Variants in PARVA observed in about 807,000 individuals in gnomAD.
PARVA encodes parvin alpha, also known as alpha-parvin.
In PARVA, 25 loss-of-function variants were observed where a neutral mutation model predicts 52.6. The ratio of observed to expected loss-of-function variants is 0.48; its 90% CI spans 0.35 to 0.66. PARVA has a LOEUF of 0.66. PARVA is among the 30% of genes least tolerant of loss of function. The probability of loss-of-function intolerance (pLI) is 0.01; values close to 1 mark genes in which losing one functional copy is unlikely to be tolerated. For missense variants in PARVA, 373 were observed against 450.9 expected, an observed-to-expected ratio of 0.83 and a Z score of 1.56; for synonymous variants, 185 against 179.1, an observed-to-expected ratio of 1.03 and a Z score of -0.26.
intron 1 of PARVA, among the ~76,000 whole-genome samples, chr11:12,399,499 A>G (rs1207986071): frequency 1.3e-5 from 2 of 152,242 alleles, no homozygotes; most frequent in Non-Finnish European, 2.9e-5. Flanking sequence ...TGTCATAGCA[A>G]TATCAAATTG....
chr11:12,469,985 T>C (rs1322025463), intron 1 of PARVA, among the ~76,000 whole-genome samples: 1 of 152,366 alleles, frequency 6.6e-6, no homozygotes, highest in East Asian at 1.9e-4. Flanking sequence ...ATTTACAAAT[T>C]GGCTCACTTT....
chr11:12,416,577 A>T (rs1297859590), intron 1 of PARVA, among the ~76,000 whole-genome samples: 1 of 152,114 alleles, frequency 6.6e-6, no homozygotes, highest in African/African-American at 2.4e-5. Context: ...CTCCAGCGCC[A>T]TCTGCCCTGA....
intron 1 of PARVA, among the ~76,000 whole-genome samples, chr11:12,384,966 G>T (rs910818986): frequency 6.6e-6 from 1 of 152,136 alleles, no homozygotes. Context: ...TTAACTGATG[G>T]TGCTAAAACA....
chr11:12,461,874 A>G (rs1050957927), intron 1 of PARVA, among the ~76,000 whole-genome samples: 2 of 151,952 alleles, frequency 1.3e-5, no homozygotes, highest in Non-Finnish European at 2.9e-5. Context: ...TCCAAGGGCC[A>G]TATGTCAACC....
intron 6 of PARVA, among the ~76,000 whole-genome samples, chr11:12,505,450 G>T (rs1165371247): frequency 6.6e-6 from 1 of 152,196 alleles, no homozygotes; most frequent in Non-Finnish European, 1.5e-5. Flanking sequence ...CTAATCAACT[G>T]ATCAGTTGTC....
intron 1 of PARVA, among the ~76,000 whole-genome samples, chr11:12,412,933 G>A (rs1467993729): frequency 6.6e-6 from 1 of 152,160 alleles, no homozygotes; most frequent in East Asian, 1.9e-4. Context: ...ATAAGAAGAG[G>A]GGAAAACAGC....
intron 1 of PARVA, among the ~76,000 whole-genome samples, chr11:12,413,611 C>T (rs7110198): frequency 0.11 from 16,022 of 152,246 alleles, 1,196 homozygotes; most frequent in African/African-American, 0.21. Flanking sequence ...AAGCAGACTC[C>T]TCCTTCCAAG....
chr11:12,491,099 A>G (rs1941228544), intron 4 of PARVA, among the ~76,000 whole-genome samples: 1 of 152,232 alleles, frequency 6.6e-6, no homozygotes, highest in Non-Finnish European at 1.5e-5. Flanking sequence ...ATCCAAGTAT[A>G]CTGGTAAACT....
At chr11:12,411,597 C>T (rs781207387) in intron 1 of PARVA, among the ~76,000 whole-genome samples, 2 of 152,128 alleles carry the variant, frequency 1.3e-5, no homozygotes, top group Non-Finnish European at 2.9e-5. Context: ...ATGGCCTCGG[C>T]ACTTTTTAGG....
intron 1 of PARVA, among the ~76,000 whole-genome samples, chr11:12,384,030 G>A (rs1451391473): frequency 6.6e-6 from 1 of 152,056 alleles, no homozygotes; most frequent in Non-Finnish European, 1.5e-5. Flanking sequence ...ACCCATATGT[G>A]CAACTGTCTT....
At chr11:12,420,389 C>T (rs997979078) in intron 1 of PARVA, among the ~76,000 whole-genome samples, 5 of 152,126 alleles carry the variant, frequency 3.3e-5, no homozygotes, top group African/African-American at 4.8e-5. Flanking sequence ...AGTGAGGAAA[C>T]GTAGGTTTAA....
chr11:12,491,689 T>C lies in PARVA; in HGVS notation c.401-4769T>C, dbSNP rs1176044007. 6.6e-5 allele frequency among the ~76,000 whole-genome samples: 10 copies of C among 152,334 alleles called. No homozygotes were observed. In the East Asian group the frequency reaches 1.5e-3, roughly 23 times the overall value. The stretch of plus-strand genomic sequence containing the variant: ...AATTTTAAACTTATATGTACTTTTG[T>C]ATATCAAATATTTAAAAATTTAAAA... On this transcript the variant is annotated intron_variant, in intron 4 of 12. Coordinates refer to ENST00000334956, the MANE Select transcript of PARVA (RefSeq NM_018222.5).
chr11:12,404,053 T>G (rs1939867299), intron 1 of PARVA, among the ~76,000 whole-genome samples: 2 of 152,080 alleles, frequency 1.3e-5, no homozygotes, highest in South Asian at 2.1e-4. Context: ...GCATTTCTTA[T>G]AAACTCGCAC....
At chr11:12,393,043 TGAAA>T (rs567915989) in intron 1 of PARVA, among the ~76,000 whole-genome samples, 1,398 of 78,538 alleles carry the variant, frequency 0.018, 12 homozygotes, top group African/African-American at 0.021. Flanking sequence ...CCCCAAATTG[TGAAA>T]AAAAAAAAAA....
At chr11:12,503,499 C>T (rs1203319123) in intron 5 of PARVA, among the ~76,000 whole-genome samples, 1 of 151,922 alleles carries the variant, frequency 6.6e-6, no homozygotes, top group Admixed American at 6.6e-5. Context: ...TCATGGGAAC[C>T]TGGGATTAGA....
intron 1 of PARVA, among the ~76,000 whole-genome samples, chr11:12,385,254 A>G (rs905032288): frequency 2.0e-5 from 3 of 152,126 alleles, no homozygotes; most frequent in African/African-American, 7.2e-5. Flanking sequence ...GCTTTAGCCC[A>G]GGAGTTTGGG....
At position 12,527,934 on chromosome 11, in the gene PARVA, C is replaced by T. The variant is rs1256080747; in HGVS notation, c.*9C>T. 19 of 1,600,120 alleles carry T rather than the reference C, an allele frequency of 1.2e-5. No homozygotes were observed. The highest frequency in any genetic ancestry group is 1.6e-5 in the Non-Finnish European group (19 of 1,168,630). On this transcript the variant is annotated 3_prime_UTR_variant, in exon 13 of 13. Coordinates refer to ENST00000334956, the MANE Select transcript of PARVA (RefSeq NM_018222.5). ...ACCGTAACGTGGAGTGAGGGGCTGC[C>T]CTGGGCCCACCACTGCCCAAGAGTT...
chr11:12,496,628 TA>T, intron 5 of PARVA, 30 bp downstream of exon 5: 1 of 1,602,158 alleles, frequency 6.2e-7, no homozygotes. Context: ...GGGGCACCAT[TA>T]AACAATGCCT....
rs189458647 is a variant in PARVA at position 12,441,169 on chromosome 11, G to A, written c.137-32576G>A. 3.2e-3 allele frequency among the ~76,000 whole-genome samples: 490 copies of A among 152,276 alleles called. 4 individuals carry two copies. The highest frequency in any genetic ancestry group is 3.7e-3 in the Non-Finnish European group (250 of 68,026). ...AATCCACAGAGGCCCCAGCCTTGGG[G>A]GTGGAGGTGGGGCTGAAGTTACAAA... is the stretch of plus-strand genomic sequence containing the variant. On this transcript the variant is annotated intron_variant, in intron 1 of 12. Transcript: ENST00000334956.
Sources: gnomAD v4.1 joint callset for allele counts (sites outside exome capture counted in the v4.1 genomes callset) on GRCh38, gnomAD v4.1.1 for gene constraint, MANE v1.5 for transcripts, NCBI Gene and HGNC (gene_info 2026-07-23, HGNC 2026-07-21) for gene names.